NPEPPS: variants seen among roughly 807,000 people sequenced by gnomAD.
NPEPPS encodes the protein puromycin-sensitive aminopeptidase.
Under a neutral mutation model 115.5 loss-of-function variants are expected in NPEPPS, and 14 were observed. The observed-to-expected ratio is 0.12, with a 90% CI of 0.08 to 0.19. The LOEUF (loss-of-function observed/expected upper bound fraction) is 0.19, where lower values mean the gene tolerates loss of function less well. Among genes scored for constraint, NPEPPS ranks in the 10% least tolerant of loss-of-function variants. The pLI, the probability that NPEPPS is intolerant of heterozygous loss-of-function variation, is 1.00. For missense variants in NPEPPS, 523 were observed against 1,110.8 expected (o/e 0.47, Z 7.52); for synonymous variants, 285 against 390.6 (o/e 0.73, Z 3.19).
chr17:47,610,845 C>CTTTTTTTTTTTTTTTTT (rs59893483), intron 17 of NPEPPS, among the ~76,000 whole-genome samples: 2 of 100,112 alleles, frequency 2.0e-5, no homozygotes, highest in African/African-American at 4.2e-5. Flanking sequence ...TATGATGACT[C>CTTTTTTTTTTTTTTTTT]TTTTTTTTTT....
At position 47,531,285 on chromosome 17, in the gene NPEPPS, C is replaced by T. The variant is rs1907738519; in HGVS notation, c.-16C>T. 4 of 1,466,030 alleles carry T rather than the reference C, an allele frequency of 2.7e-6. No homozygotes were observed. The highest frequency in any genetic ancestry group is 2.7e-6 in the Non-Finnish European group (3 of 1,097,984). The allele number at this position is 1,466,030 out of a possible 1,614,324, so 90.8% of individuals were successfully genotyped here. A position where few individuals can be genotyped will look rare whatever the true frequency, so the allele number is the denominator to read the frequency against. ...CCCCCGGTCGCTCTCCTCCGGCGGTCGCCCGCGCTCGGTGGATGTGGCTGG... is the reference window on the plus strand; with the variant it reads ...CCCCCGGTCGCTCTCCTCCGGCGGTTGCCCGCGCTCGGTGGATGTGGCTGG... On this transcript the variant is annotated 5_prime_UTR_variant, in exon 1 of 23. Transcript: ENST00000322157.
At chr17:47,599,060 A>G (rs1478879190) in intron 13 of NPEPPS, among the ~76,000 whole-genome samples, 1 of 152,214 alleles carries the variant, frequency 6.6e-6, no homozygotes, top group African/African-American at 2.4e-5. Flanking sequence ...TTCTTTTAAG[A>G]ATAGGAGAGC....
chr17:47,616,656 C>G (rs2143976899), intron 19 of NPEPPS, among the ~76,000 whole-genome samples: 1 of 151,066 alleles, frequency 6.6e-6, no homozygotes, highest in Non-Finnish European at 1.5e-5. Flanking sequence ...TGCACTCCAG[C>G]CTGGGTGACA....
chr17:47,582,665 G>A, intron 4 of NPEPPS, 77 bp from the exon 5 acceptor site: 5 of 900,872 alleles, frequency 5.6e-6, no homozygotes, highest in Non-Finnish European at 9.1e-6. Flanking sequence ...GAATGACAGA[G>A]GGAAATGGTG....
At chr17:47,592,594 C>G in intron 12 of NPEPPS, 49 bp downstream of exon 12, 2 of 1,473,278 alleles carry the variant, frequency 1.4e-6, no homozygotes, top group Non-Finnish European at 1.9e-6. Flanking sequence ...TATTGTCACT[C>G]TATCCAGGCT....
chr17:47,595,361 C>T (rs1912798475), intron 12 of NPEPPS, among the ~76,000 whole-genome samples: 1 of 152,198 alleles, frequency 6.6e-6, no homozygotes, highest in South Asian at 2.1e-4. Flanking sequence ...CCACTGCGTC[C>T]AGCCTGGATA....
intron 2 of NPEPPS, among the ~76,000 whole-genome samples, chr17:47,554,189 C>T (rs752645148): frequency 2.0e-5 from 3 of 150,252 alleles, no homozygotes; most frequent in African/African-American, 4.9e-5. Flanking sequence ...TACAGGCATG[C>T]GCCACCACGC....
intron 17 of NPEPPS, among the ~76,000 whole-genome samples, chr17:47,607,698 CTG>C (rs1399740776): frequency 2.6e-5 from 4 of 152,112 alleles, no homozygotes; most frequent in East Asian, 3.9e-4. Context: ...GTGGTAAAGT[CTG>C]TGTATATTTT....
In NPEPPS at chr17:47,615,073, C is replaced by CTTTTTT. The variant is rs60829784; in HGVS notation, c.2295+1366_2295+1371dup. Among the ~76,000 whole-genome samples the CTTTTTT allele has an allele frequency of 9.4e-4, 115 of 122,450 alleles. 2 individuals are homozygous for CTTTTTT. The highest frequency in any genetic ancestry group is 2.6e-3 in the Admixed American group (31 of 11,828). 80.3% of individuals were successfully genotyped at this position (122,450 alleles called of 152,430 possible). A position where few individuals can be genotyped will look rare whatever the true frequency, so the allele number is the denominator to read the frequency against. Reference sequence around the variant, plus strand: ...ATGTTGTAATAGGTTTACTTTCTTTCTTTTTTTTTTTTTTTTTTTTTTTGA... The same window carrying CTTTTTT: ...ATGTTGTAATAGGTTTACTTTCTTTCTTTTTTTTTTTTTTTTTTTTTTTTTTTTTGA... On this transcript the variant is annotated intron_variant, in intron 19 of 22. Transcript: ENST00000322157.
At chr17:47,532,798 A>G (rs1467511990) in intron 1 of NPEPPS, among the ~76,000 whole-genome samples, 1 of 152,054 alleles carries the variant, frequency 6.6e-6, no homozygotes, top group African/African-American at 2.4e-5. Context: ...TATCTGAAGT[A>G]TTGTTTGATT....
In NPEPPS at chr17:47,562,011, C is replaced by T. The variant is rs1296239371; in HGVS notation, c.341-7406C>T. ...TACAGAGAGCTTCCAGATAGCTGAA[C>T]ACGTGGAGGGTCCTGGAGGGTGGTG... On this transcript the variant is annotated intron_variant, in intron 2 of 22. Transcript: ENST00000322157. Among the ~76,000 whole-genome samples, 9 of 152,342 alleles carry T rather than the reference C, an allele frequency of 5.9e-5. No homozygotes were observed. The East Asian group carries it at 1.7e-3, about 29-fold the overall frequency.
intron 1 of NPEPPS, among the ~76,000 whole-genome samples, chr17:47,537,958 A>G (rs1423137478): frequency 1.3e-5 from 2 of 150,382 alleles, no homozygotes; most frequent in Non-Finnish European, 3.0e-5. Context: ...CAGTGGCACA[A>G]TCTCGGCTCA....
intron 1 of NPEPPS, among the ~76,000 whole-genome samples, chr17:47,535,323 G>A (rs1310653463): frequency 1.7e-4 from 25 of 149,450 alleles, no homozygotes; most frequent in South Asian, 4.2e-4. Context: ...AGGCAGAGGC[G>A]GGCAGATCAT....
At chr17:47,562,259 A>T (rs1910478145) in intron 2 of NPEPPS, among the ~76,000 whole-genome samples, 1 of 152,226 alleles carries the variant, frequency 6.6e-6, no homozygotes, top group Non-Finnish European at 1.5e-5. Context: ...CTAGCCTTAC[A>T]ACTAGTGTCT....
intron 4 of NPEPPS, chr17:47,579,986 CATAT>C: frequency 6.6e-6 from 1 of 150,994 alleles, no homozygotes; most frequent in East Asian, 1.9e-4. Context: ...TATACACACA[CATAT>C]ATATATTTGC....
chr17:47,530,262 A>C, upstream of NPEPPS, among the ~76,000 whole-genome samples: 1 of 150,370 alleles, frequency 6.7e-6, no homozygotes, highest in Non-Finnish European at 1.5e-5. Context: ...CATTTTAAAC[A>C]TTAAATCATG....
chr17:47,610,537 C>T (rs1456164869), intron 17 of NPEPPS, among the ~76,000 whole-genome samples: 1 of 151,886 alleles, frequency 6.6e-6, no homozygotes, highest in Non-Finnish European at 1.5e-5. Flanking sequence ...GTGCACGCCA[C>T]CACGCCCAGC....
At chr17:47,619,655 A>ACT in intron 21 of NPEPPS, 82 bp from the exon 22 acceptor site, 2 of 1,138,434 alleles carry the variant, frequency 1.8e-6, no homozygotes, top group Non-Finnish European at 2.7e-6. Context: ...GGCAGAGAAC[A>ACT]GAATGATTTA....
intron 14 of NPEPPS, 51 bp downstream of exon 14, chr17:47,599,790 T>A: frequency 7.4e-7 from 1 of 1,348,704 alleles, no homozygotes; most frequent in Non-Finnish European, 1.0e-6. Flanking sequence ...GGATATTAAC[T>A]AATACCAGTA....
Sources: allele counts gnomAD v4.1 joint callset (sites outside exome capture counted in the v4.1 genomes callset), GRCh38; gene constraint gnomAD v4.1.1; transcripts MANE v1.5; gene names NCBI Gene and HGNC (gene_info 2026-07-23, HGNC 2026-07-21).